The following SDK1 variants were observed in gnomAD, a reference collection of about 807,000 sequenced individuals.
SDK1 encodes protein sidekick-1.
Under a neutral mutation model 245.5 loss-of-function variants are expected in SDK1, and 157 were observed. The observed-to-expected ratio is 0.64, with a 90% CI of 0.56 to 0.73. The LOEUF (loss-of-function observed/expected upper bound fraction) is 0.73. Ranked by LOEUF, SDK1 falls within the 30% of genes least tolerant of loss-of-function variation. The pLI is 0.00. For missense variants in SDK1, 3,583 were observed against 3,002.3 expected (o/e 1.19, Z -4.52); for synonymous variants, 1,647 against 1,278.5 (o/e 1.29, Z -6.15).
In SDK1 at chr7:4,129,940, G is replaced by A. The variant is rs150929246; in HGVS notation, c.3972G>A (p.Glu1324=). ...ILFRAKDLDP[E]PRSHIVRGNH... ...TCCGGGCCAAAGACCTGGATCCCGA[G>A]CCCAGGAGCCACATCGTGCGAGGGA... The change falls in exon 27 of 45, where the codon GAG becomes GAA. Residue 1324 remains glutamate, a synonymous_variant. Coordinates refer to ENST00000404826, the MANE Select transcript of SDK1 (RefSeq NM_152744.4). 33 of 1,613,606 alleles carry A rather than the reference G, an allele frequency of 2.0e-5. No homozygotes were observed. In the African/African-American group the frequency reaches 3.3e-4, roughly 16 times the overall value.
At chr7:3,471,880 T>C (rs905768724) in intron 1 of SDK1, among the ~76,000 whole-genome samples, 6 of 152,214 alleles carry the variant, frequency 3.9e-5, no homozygotes, top group African/African-American at 1.2e-4. Flanking sequence ...GAAACAAATA[T>C]TGAAGTGTTT....
chr7:4,008,035 A>G (rs1430929476), intron 14 of SDK1, among the ~76,000 whole-genome samples: 2 of 151,914 alleles, frequency 1.3e-5, no homozygotes, highest in African/African-American at 4.8e-5. Context: ...ATGTTGCAAA[A>G]CTTCTGCACC....
At chr7:3,510,194 G>C (rs952869694) in intron 1 of SDK1, among the ~76,000 whole-genome samples, 2 of 152,188 alleles carry the variant, frequency 1.3e-5, no homozygotes, top group Non-Finnish European at 2.9e-5. Flanking sequence ...AAACCATTAT[G>C]TGCTGCTAGT....
chr7:4,051,368 G>C (rs1182760893), intron 18 of SDK1, among the ~76,000 whole-genome samples: 1 of 149,410 alleles, frequency 6.7e-6, no homozygotes, highest in Non-Finnish European at 1.5e-5. Flanking sequence ...GTGAAGATTT[G>C]AGGGAGTGTC....
intron 14 of SDK1, among the ~76,000 whole-genome samples, chr7:4,005,039 CTTTTTTTTTTT>C (rs1162979240): frequency 1.1e-5 from 1 of 90,994 alleles, no homozygotes; most frequent in African/African-American, 4.6e-5. Flanking sequence ...GTTCCTGCAC[CTTTTTTTTTTT>C]TTTTTTTTTT....
Position 3,604,602 on chromosome 7 carries a change from CTT to C in SDK1, c.299-14462_299-14461del, listed in dbSNP as rs201453008. On this transcript the variant is annotated intron_variant, in intron 1 of 44. Coordinates refer to ENST00000404826, the MANE Select transcript of SDK1 (RefSeq NM_152744.4). Reference sequence around the variant, plus strand: ...AGACTTTTTCTTTTTCTTTTCTTTTCTTTTTTTTTTTTTTTTTGAGACAGAGT... The same window carrying C: ...AGACTTTTTCTTTTTCTTTTCTTTTCTTTTTTTTTTTTTTTGAGACAGAGT... 8.0e-3 allele frequency among the ~76,000 whole-genome samples: 881 copies of C among 110,480 alleles called. 2 individuals are homozygous for C. The highest frequency in any genetic ancestry group is 0.036 in the South Asian group (107 of 2,982). 72.5% of individuals were successfully genotyped at this position (110,480 alleles called of 152,430 possible).
intron 5 of SDK1, among the ~76,000 whole-genome samples, chr7:3,940,541 C>T (rs1780319339): frequency 6.6e-6 from 1 of 152,146 alleles, no homozygotes; most frequent in African/African-American, 2.4e-5. Context: ...CCCTGGGCCT[C>T]CTCTTTAAAG....
intron 2 of SDK1, among the ~76,000 whole-genome samples, chr7:3,621,275 G>A (rs1462946492): frequency 6.6e-6 from 1 of 152,178 alleles, no homozygotes; most frequent in Non-Finnish European, 1.5e-5. Context: ...CAGAAGACTG[G>A]AGTTCAGGGA....
chr7:4,227,762 A>C (rs1037392366), intron 40 of SDK1, among the ~76,000 whole-genome samples: 1 of 152,238 alleles, frequency 6.6e-6, no homozygotes, highest in Non-Finnish European at 1.5e-5. Flanking sequence ...TGGAGGGATA[A>C]ATTGAGTGCA....
At chr7:3,370,096 G>A (rs999176846) in intron 1 of SDK1, among the ~76,000 whole-genome samples, 1 of 152,244 alleles carries the variant, frequency 6.6e-6, no homozygotes, top group African/African-American at 2.4e-5. Context: ...CTAAGTTAAA[G>A]TTTGCATTTA....
chr7:4,209,999 A>T (rs1454058528), intron 37 of SDK1, 26 bp from the exon 38 acceptor site: 1 of 1,535,424 alleles, frequency 6.5e-7, no homozygotes, highest in Admixed American at 2.1e-5. Flanking sequence ...CCCCTGTAAA[A>T]GTCACTTTGT....
chr7:4,168,076 G>A (rs1781604245), intron 32 of SDK1, among the ~76,000 whole-genome samples: 1 of 152,242 alleles, frequency 6.6e-6, no homozygotes, highest in African/African-American at 2.4e-5. Context: ...TCAGAACCCT[G>A]TGCAGGCAGG....
intron 14 of SDK1, among the ~76,000 whole-genome samples, chr7:3,997,818 CCTT>C (rs922410281): frequency 6.6e-6 from 1 of 152,146 alleles, no homozygotes; most frequent in African/African-American, 2.4e-5. Context: ...CGGAGACCCA[CCTT>C]CTTCTGCCCA....
chr7:3,892,332 C>A (rs1283253970), intron 5 of SDK1, among the ~76,000 whole-genome samples: 2 of 152,236 alleles, frequency 1.3e-5, no homozygotes, highest in Non-Finnish European at 1.5e-5. Flanking sequence ...GTGTTCTCCA[C>A]GTCTCCTCAT....
At chr7:3,710,126 A>G (rs184008705) in intron 4 of SDK1, among the ~76,000 whole-genome samples, 1 of 152,356 alleles carries the variant, frequency 6.6e-6, no homozygotes. Context: ...AAGCTGCTTC[A>G]GGACAGAGAA....
At chr7:3,818,946 C>T (rs138105382) in intron 4 of SDK1, among the ~76,000 whole-genome samples, 129 of 152,230 alleles carry the variant, frequency 8.5e-4, no homozygotes, top group African/African-American at 2.9e-3. Context: ...GGCATGGTTG[C>T]CACGACAAAA....
At chr7:3,932,953 C>A (rs917386559) in intron 5 of SDK1, among the ~76,000 whole-genome samples, 5 of 151,324 alleles carry the variant, frequency 3.3e-5, no homozygotes, top group Non-Finnish European at 5.9e-5. Context: ...TCAGGGCTCT[C>A]CACTCAGGAC....
At chr7:3,392,088 A>G (rs1018970560) in intron 1 of SDK1, among the ~76,000 whole-genome samples, 1 of 152,004 alleles carries the variant, frequency 6.6e-6, no homozygotes. Flanking sequence ...AAGTATTAGT[A>G]TTATAAAGAT....
intron 5 of SDK1, among the ~76,000 whole-genome samples, chr7:3,900,033 G>A (rs1781730766): frequency 6.6e-6 from 1 of 152,352 alleles, no homozygotes; most frequent in East Asian, 1.9e-4. Context: ...GGATACCAGT[G>A]TATGACACTA....
Sources: gnomAD v4.1 joint callset for allele counts (sites outside exome capture counted in the v4.1 genomes callset) on GRCh38, gnomAD v4.1.1 for gene constraint, MANE v1.5 for transcripts, NCBI Gene and HGNC (gene_info 2026-07-23, HGNC 2026-07-21) for gene names.